The following SPATA6 variants were observed in gnomAD, a reference collection of about 807,000 sequenced individuals.
SPATA6 encodes spermatogenesis-associated protein 6.
In SPATA6, 56 loss-of-function variants were observed where a neutral mutation model predicts 65.3. That is an observed-to-expected ratio of 0.86 (90% CI 0.69 to 1.07). SPATA6 has a LOEUF of 1.07. Ranked by LOEUF, SPATA6 falls within the 50% of genes least tolerant of loss-of-function variation. The probability of loss-of-function intolerance (pLI) is 0.00; values close to 1 mark genes in which losing one functional copy is unlikely to be tolerated. For synonymous variants in SPATA6, 199 were observed against 213.2 expected (o/e 0.93, Z 0.58); for missense variants, 590 against 594.8 (o/e 0.99, Z 0.08).
intron 9 of SPATA6, among the ~76,000 whole-genome samples, chr1:48,369,938 A>G (rs1647185618): frequency 6.6e-6 from 1 of 152,152 alleles, no homozygotes; most frequent in Admixed American, 6.6e-5. Context: ...TCAAAAGGAA[A>G]CTTCATATAC....
At chr1:48,352,811 G>A (rs990131352) in intron 11 of SPATA6, among the ~76,000 whole-genome samples, 64 of 151,440 alleles carry the variant, frequency 4.2e-4, no homozygotes, top group African/African-American at 1.5e-3. Flanking sequence ...GCAACAGAAG[G>A]GGGAAAGCCA....
intron 5 of SPATA6, among the ~76,000 whole-genome samples, chr1:48,407,008 G>A (rs190242957): frequency 6.6e-6 from 1 of 152,314 alleles, no homozygotes; most frequent in East Asian, 1.9e-4. Context: ...ACTGATTGAA[G>A]CATTTTTCCT....
At chr1:48,344,187 C>T (rs1427827739) in intron 11 of SPATA6, 1 of 152,110 alleles carries the variant, frequency 6.6e-6, no homozygotes, top group Non-Finnish European at 1.5e-5. Context: ...TTGCAAAACA[C>T]TAACCACATA....
In SPATA6 at chr1:48,359,746, C is replaced by G. The variant is rs535399215; in HGVS notation, c.934G>C (p.Asp312His). Residue 312 changes from aspartate (D) to histidine (H), a missense_variant, in exon 10 of 13, where the codon GAC becomes CAC. By Grantham distance (81) the Asp-to-His change is moderately conservative. Coordinates refer to ENST00000371847, the MANE Select transcript of SPATA6 (RefSeq NM_019073.4). ...CATTTTTCTAAAGAGTCATCGAAGTCTCTCCCATGGGGTGTCCTGATAACC... is the reference window on the plus strand; with the variant it reads ...CATTTTTCTAAAGAGTCATCGAAGTGTCTCCCATGGGGTGTCCTGATAACC... ...YKVIRTPHGR[D>H]FDDSLEKCEE... 7 of 1,612,794 alleles carry G rather than the reference C, an allele frequency of 4.3e-6. No individual in the cohort carries two copies. Among genetic ancestry groups the G allele is most frequent in the Non-Finnish European group, 5.9e-6 (7 of 1,179,506 alleles).
intron 3 of SPATA6, among the ~76,000 whole-genome samples, chr1:48,424,075 C>A (rs1011333846): frequency 1.3e-5 from 2 of 152,092 alleles, no homozygotes; most frequent in African/African-American, 4.8e-5. Flanking sequence ...ATTGTGCTAT[C>A]AAATAGTAGG....
At chr1:48,346,168 G>A (rs756251235) in intron 11 of SPATA6, among the ~76,000 whole-genome samples, 1 of 151,986 alleles carries the variant, frequency 6.6e-6, no homozygotes, top group Admixed American at 6.6e-5. Context: ...GTGCAAGGTT[G>A]GTTCAACATT....
intron 3 of SPATA6, among the ~76,000 whole-genome samples, chr1:48,448,822 T>C (rs1412697575): frequency 6.6e-6 from 1 of 152,146 alleles, no homozygotes; most frequent in Non-Finnish European, 1.5e-5. Flanking sequence ...TTAGATGAAA[T>C]TTCTAGAAAT....
chr1:48,395,566 T>C (rs1228292674), intron 7 of SPATA6, among the ~76,000 whole-genome samples: 1 of 151,960 alleles, frequency 6.6e-6, no homozygotes, highest in East Asian at 1.9e-4. Flanking sequence ...CAAAAATTTT[T>C]AATTCTATAT....
At chr1:48,432,463 A>G (rs1654493809) in intron 3 of SPATA6, among the ~76,000 whole-genome samples, 1 of 152,214 alleles carries the variant, frequency 6.6e-6, no homozygotes, top group Non-Finnish European at 1.5e-5. Flanking sequence ...AAATTCAAAA[A>G]TGGGTAAAAT....
At chr1:48,364,203 G>T (rs1646918256) in intron 9 of SPATA6, among the ~76,000 whole-genome samples, 1 of 152,116 alleles carries the variant, frequency 6.6e-6, no homozygotes, top group Admixed American at 6.5e-5. Flanking sequence ...ATCTATTGTT[G>T]TTGGACATTT....
At chr1:48,358,755 T>G (rs1225316610) in intron 10 of SPATA6, among the ~76,000 whole-genome samples, 1 of 152,180 alleles carries the variant, frequency 6.6e-6, no homozygotes, top group Non-Finnish European at 1.5e-5. Context: ...ATGATTCTAA[T>G]GGACTAGAAG....
chr1:48,414,109 G>T (rs922221776), intron 3 of SPATA6, among the ~76,000 whole-genome samples: 1 of 152,196 alleles, frequency 6.6e-6, no homozygotes, highest in Non-Finnish European at 1.5e-5. Flanking sequence ...GAAACTTTGT[G>T]TGGGTCGCCT....
chr1:48,264,370 A>T, the SPATA6 span, among the ~76,000 whole-genome samples: 87,162 of 151,920 alleles, frequency 0.57, 26,129 homozygotes, highest in East Asian at 0.79. Context: ...CATATTAAAA[A>T]TCTTTTTTTG....
chr1:48,330,466 G>T (rs1303404620), intron 11 of SPATA6, among the ~76,000 whole-genome samples: 1 of 152,174 alleles, frequency 6.6e-6, no homozygotes, highest in Non-Finnish European at 1.5e-5. Context: ...CTAGTATCCA[G>T]GTAGGCAACA....
chr1:48,364,980 G>T (rs1243061416), intron 9 of SPATA6, among the ~76,000 whole-genome samples: 2 of 152,190 alleles, frequency 1.3e-5, no homozygotes, highest in African/African-American at 4.8e-5. Flanking sequence ...TTTGTATAAG[G>T]TGTAAGGAAA....
chr1:48,310,843 A>G (rs997581976), intron 11 of SPATA6, among the ~76,000 whole-genome samples: 4 of 152,240 alleles, frequency 2.6e-5, no homozygotes, highest in Admixed American at 2.0e-4. Flanking sequence ...ACAAGTTTCA[A>G]TAAATTTGAA....
intron 4 of SPATA6, among the ~76,000 whole-genome samples, chr1:48,411,869 T>C (rs1286455269): frequency 6.9e-6 from 1 of 145,958 alleles, no homozygotes; most frequent in Non-Finnish European, 1.5e-5. Context: ...TGAGACAGAC[T>C]TTTTTTTTTT....
At chr1:48,404,589 T>G (rs942179883) in intron 5 of SPATA6, among the ~76,000 whole-genome samples, 1 of 152,088 alleles carries the variant, frequency 6.6e-6, no homozygotes, top group African/African-American at 2.4e-5. Flanking sequence ...GCAATCCTCC[T>G]GCCTCAGCCT....
intron 8 of SPATA6, among the ~76,000 whole-genome samples, chr1:48,390,696 T>C (rs961872984): frequency 2.0e-5 from 3 of 152,206 alleles, no homozygotes; most frequent in African/African-American, 4.8e-5. Flanking sequence ...TAAAATATTA[T>C]GTATCAATTT....
Sources: allele counts gnomAD v4.1 joint callset (sites outside exome capture counted in the v4.1 genomes callset), GRCh38; gene constraint gnomAD v4.1.1; transcripts MANE v1.5; gene names NCBI Gene and HGNC (gene_info 2026-07-23, HGNC 2026-07-21).